Variants in UGT2A1 observed in about 807,000 individuals in gnomAD.
UGT2A1 encodes the protein UDP-glucuronosyltransferase 2A1.
A neutral mutation model predicts 45.4 loss-of-function variants in UGT2A1; 61 were observed. That is an observed-to-expected ratio of 1.34 (90% CI 1.09 to 1.66). The LOEUF (loss-of-function observed/expected upper bound fraction) is 1.66. Among genes scored for constraint, UGT2A1 ranks in the 40% most tolerant of loss-of-function variants. The pLI, the probability that UGT2A1 is intolerant of heterozygous loss-of-function variation, is 0.00. For synonymous variants in UGT2A1, 229 were observed against 196.2 expected, an observed-to-expected ratio of 1.17 and a Z score of -1.40; for missense variants, 649 against 574.3, an observed-to-expected ratio of 1.13 and a Z score of -1.33.
chr4:69,624,231 C>T (rs10012508), intron 3 of UGT2A1, among the ~76,000 whole-genome samples: 6,311 of 151,426 alleles, frequency 0.042, 164 homozygotes, highest in East Asian at 0.069. Context: ...TATAAAATGA[C>T]CTTTATTCTC....
chr4:69,635,316 G>C (rs770748515), intron 3 of UGT2A1, among the ~76,000 whole-genome samples: 1 of 152,072 alleles, frequency 6.6e-6, no homozygotes, highest in Non-Finnish European at 1.5e-5. Flanking sequence ...CTGCTCTCCC[G>C]ATCTACAGTG....
chr4:69,602,353 T>A (rs1430346074), intron 3 of UGT2A1, among the ~76,000 whole-genome samples: 1 of 137,418 alleles, frequency 7.3e-6, no homozygotes, highest in Admixed American at 7.1e-5. Context: ...AGCATTCTTA[T>A]CAAGACGAAA....
At position 69,632,004 on chromosome 4, in the gene UGT2A1, C is replaced by T. The variant is rs953085698; in HGVS notation, c.847+3687G>A. On this transcript the variant is annotated intron_variant, in intron 3 of 6. Transcript: ENST00000286604. ...ACAGTTTGTATAAATCCAATAAATA[C>T]CACATTATAGTTATTAGTTTTTCTT... Among the ~76,000 whole-genome samples, 3 of 152,012 alleles carry T rather than the reference C, an allele frequency of 2.0e-5. No homozygotes were observed. The East Asian group carries it at 5.8e-4, about 29-fold the overall frequency.
intron 3 of UGT2A1, among the ~76,000 whole-genome samples, chr4:69,615,200 C>T (rs565544578): frequency 1.3e-5 from 2 of 151,840 alleles, no homozygotes; most frequent in African/African-American, 2.4e-5. Flanking sequence ...ATCAAATCAC[C>T]CTGAAAAATT....
intron 3 of UGT2A1, among the ~76,000 whole-genome samples, chr4:69,614,350 T>C (rs1395588870): frequency 6.6e-6 from 1 of 152,004 alleles, no homozygotes; most frequent in Non-Finnish European, 1.5e-5. Context: ...ATGTTTTCTG[T>C]TCATAGAATA....
At position 69,594,662 on chromosome 4, in the gene UGT2A1, A is replaced by G; in HGVS notation, c.1119T>C (p.Gly373=). 6.2e-7 allele frequency: 1 copy of G among 1,614,052 alleles called. No individual in the cohort carries two copies. Among genetic ancestry groups the G allele is most frequent in the Non-Finnish European group, 8.5e-7 (1 of 1,179,980 alleles). ...TAGCTTCGTAGATCCCATTAGTTCCACCATGAGTGATAAAAGCTTTGGTTT... is the reference window on the plus strand; with the variant it reads ...TAGCTTCGTAGATCCCATTAGTTCCGCCATGAGTGATAAAAGCTTTGGTTT... The part of the protein sequence containing the change: ...HPKTKAFITH[G]GTNGIYEAIY... The change falls in exon 6 of 7, where the codon GGT becomes GGC. Residue 373 remains glycine (G), a synonymous_variant. Transcript: ENST00000286604.
intron 3 of UGT2A1, among the ~76,000 whole-genome samples, chr4:69,606,253 G>C (rs933108187): frequency 1.5e-5 from 2 of 136,352 alleles, no homozygotes; most frequent in Non-Finnish European, 3.1e-5. Context: ...TCCCTGGGAC[G>C]CAAGGCTGGG....
intron 3 of UGT2A1, among the ~76,000 whole-genome samples, chr4:69,619,860 A>G (rs1462338383): frequency 6.6e-6 from 1 of 152,082 alleles, no homozygotes; most frequent in African/African-American, 2.4e-5. Flanking sequence ...TACACAAATC[A>G]ATACATGTGG....
chr4:69,596,674 A>G lies in UGT2A1; in HGVS notation c.997-1425T>C, dbSNP rs137863846. On this transcript the variant is annotated intron_variant, in intron 4 of 6. Transcript: ENST00000286604. ...GTAACTGGGATTATAGTCTCATGCC[A>G]TCGTGTCTGGCTGAGTTTTGTATTT... 8.2e-4 allele frequency among the ~76,000 whole-genome samples: 125 copies of G among 152,228 alleles called. 1 individual carries two copies. In the East Asian group the frequency reaches 8.3e-3, roughly 10 times the overall value.
At chr4:69,634,405 T>C (rs1223351279) in intron 3 of UGT2A1, among the ~76,000 whole-genome samples, 1 of 151,936 alleles carries the variant, frequency 6.6e-6, no homozygotes, top group Non-Finnish European at 1.5e-5. Context: ...AAGCAGGGTA[T>C]GAGAATTAGA....
rs1267710954 is a variant in UGT2A1 at position 69,601,226 on chromosome 4, G to C, written c.848-1832C>G. 2.0e-5 allele frequency among the ~76,000 whole-genome samples: 3 copies of C among 152,264 alleles called. No homozygotes were observed. In the East Asian group the frequency reaches 5.8e-4, roughly 29 times the overall value. On this transcript the variant is annotated intron_variant, in intron 3 of 6. Coordinates refer to ENST00000286604, the MANE Select transcript of UGT2A1 (RefSeq NM_001252275.3). Reference sequence around the variant, plus strand: ...CTGGAACATTACCCCAACAGCCAGAGAGCTTCCCTCTGATCCTCACTGTGA... The same window carrying C: ...CTGGAACATTACCCCAACAGCCAGACAGCTTCCCTCTGATCCTCACTGTGA...
chr4:69,617,529 T>C (rs911210027), intron 3 of UGT2A1, among the ~76,000 whole-genome samples: 1 of 151,914 alleles, frequency 6.6e-6, no homozygotes, highest in Non-Finnish European at 1.5e-5. Context: ...TAGGAAATAT[T>C]GTAGCCATTC....
intron 3 of UGT2A1, 167 bp from the exon 4 acceptor site, chr4:69,599,561 G>T: frequency 2.0e-6 from 2 of 1,022,416 alleles, no homozygotes; most frequent in Non-Finnish European, 1.3e-6. Flanking sequence ...AATTAAAGAG[G>T]ATGGAAGAAA....
intron 3 of UGT2A1, among the ~76,000 whole-genome samples, chr4:69,631,871 G>A (rs1235450409): frequency 1.3e-5 from 2 of 151,948 alleles, no homozygotes; most frequent in African/African-American, 4.8e-5. Flanking sequence ...CTAACACAAG[G>A]CTACCACTTC....
intron 3 of UGT2A1, among the ~76,000 whole-genome samples, chr4:69,617,940 T>A (rs951271542): frequency 6.6e-6 from 1 of 151,928 alleles, no homozygotes; most frequent in African/African-American, 2.4e-5. Flanking sequence ...AACAAGACTT[T>A]ACAATCCTAA....
intron 2 of UGT2A1, among the ~76,000 whole-genome samples, chr4:69,645,456 C>T (rs1387484549): frequency 6.6e-6 from 1 of 151,732 alleles, no homozygotes; most frequent in Non-Finnish European, 1.5e-5. Flanking sequence ...GACTGAATTA[C>T]TTTTCCCAGC....
chr4:69,627,560 G>GAA, intron 3 of UGT2A1, among the ~76,000 whole-genome samples: 1 of 142,746 alleles, frequency 7.0e-6, no homozygotes, highest in Admixed American at 7.1e-5. Context: ...GAGAGAGAGA[G>GAA]AGAGAGAAAG....
intron 6 of UGT2A1, among the ~76,000 whole-genome samples, chr4:69,593,188 T>C (rs574001557): frequency 7.2e-5 from 11 of 152,212 alleles, no homozygotes; most frequent in Admixed American, 2.0e-4. Flanking sequence ...CAAGTCTTTA[T>C]TGAAAGAAAA....
intron 1 of UGT2A1, among the ~76,000 whole-genome samples, chr4:69,648,267 A>G (rs979723408): frequency 7.3e-6 from 1 of 137,494 alleles, no homozygotes; most frequent in Admixed American, 7.7e-5. Context: ...GTATTATATT[A>G]CTACTTTAGT....
Sources: gnomAD v4.1 joint callset for allele counts (sites outside exome capture counted in the v4.1 genomes callset) on GRCh38, gnomAD v4.1.1 for gene constraint, MANE v1.5 for transcripts, NCBI Gene and HGNC (gene_info 2026-07-23, HGNC 2026-07-21) for gene names.